The following PLXDC2 variants were observed in gnomAD, a reference collection of about 807,000 sequenced individuals.
PLXDC2 encodes the protein plexin domain-containing protein 2.
PLXDC2 carries 40 observed loss-of-function variants against 68.9 expected under a neutral mutation model. The ratio of observed to expected loss-of-function variants is 0.58; its 90% CI spans 0.45 to 0.76. The LOEUF (loss-of-function observed/expected upper bound fraction) is 0.76. Ranked by LOEUF, PLXDC2 falls within the 30% of genes least tolerant of loss-of-function variation. PLXDC2 has a pLI of 0.00. For synonymous variants in PLXDC2, 243 were observed against 234.2 expected, an observed-to-expected ratio of 1.04 and a Z score of -0.34; for missense variants, 644 against 661.9, an observed-to-expected ratio of 0.97 and a Z score of 0.30.
intron 1 of PLXDC2, among the ~76,000 whole-genome samples, chr10:19,895,098 TA>T (rs1489072705): frequency 6.6e-6 from 1 of 152,174 alleles, no homozygotes; most frequent in African/African-American, 2.4e-5. Flanking sequence ...TATGCAGCCA[TA>T]AAAAAGGATG....
chr10:20,181,084 A>C (rs1219971280), intron 9 of PLXDC2, among the ~76,000 whole-genome samples: 1 of 152,104 alleles, frequency 6.6e-6, no homozygotes, highest in Non-Finnish European at 1.5e-5. Flanking sequence ...CAGAGTTAAT[A>C]GTGATGAGTG....
chr10:20,182,682 T>G (rs954603553), intron 9 of PLXDC2, among the ~76,000 whole-genome samples: 1 of 151,996 alleles, frequency 6.6e-6, no homozygotes, highest in African/African-American at 2.4e-5. Context: ...TACATTTCTT[T>G]TTTTTTTTAA....
chr10:19,854,258 A>G (rs139042324), intron 1 of PLXDC2, among the ~76,000 whole-genome samples: 149 of 152,348 alleles, frequency 9.8e-4, no homozygotes, highest in Middle Eastern at 3.4e-3. Flanking sequence ...CAGTCTCTAC[A>G]TAATTGCCTG....
intron 13 of PLXDC2, among the ~76,000 whole-genome samples, chr10:20,255,202 T>C (rs888402263): frequency 1.3e-5 from 2 of 149,710 alleles, no homozygotes; most frequent in Non-Finnish European, 3.0e-5. Context: ...GATAGATAGA[T>C]AGATAGATAG....
intron 1 of PLXDC2, among the ~76,000 whole-genome samples, chr10:19,829,154 CT>C (rs71388870): frequency 0.031 from 2,928 of 94,174 alleles, 17 homozygotes; most frequent in African/African-American, 0.065. Flanking sequence ...ACGCTTTCCT[CT>C]TTTTTTTTTT....
At chr10:20,262,578 A>G (rs1835822570) in intron 13 of PLXDC2, among the ~76,000 whole-genome samples, 1 of 152,164 alleles carries the variant, frequency 6.6e-6, no homozygotes, top group African/African-American at 2.4e-5. Context: ...GACAGAAGGA[A>G]TACCCCAGCA....
intron 1 of PLXDC2, among the ~76,000 whole-genome samples, chr10:19,917,470 T>G (rs1447586521): frequency 1.3e-5 from 2 of 152,210 alleles, no homozygotes; most frequent in Non-Finnish European, 2.9e-5. Context: ...TCTATGACTT[T>G]CCTTTGAATT....
chr10:20,205,513 T>C (rs1187002213), intron 9 of PLXDC2, among the ~76,000 whole-genome samples: 1 of 152,098 alleles, frequency 6.6e-6, no homozygotes, highest in Non-Finnish European at 1.5e-5. Context: ...TAATATTCTA[T>C]GATATTAGTT....
chr10:20,121,375 AGTT>A (rs1257786040), intron 4 of PLXDC2, among the ~76,000 whole-genome samples: 1 of 152,124 alleles, frequency 6.6e-6, no homozygotes, highest in Non-Finnish European at 1.5e-5. Context: ...GAAGGAAAGG[AGTT>A]GTTGTTTTGT....
At chr10:19,851,102 A>G (rs1188168936) in intron 1 of PLXDC2, among the ~76,000 whole-genome samples, 1 of 152,204 alleles carries the variant, frequency 6.6e-6, no homozygotes, top group Non-Finnish European at 1.5e-5. Context: ...GATAAGGGTA[A>G]TAAATAGTGA....
Position 19,867,038 on chromosome 10 carries a change from A to G in PLXDC2, c.112+49847A>G, listed in dbSNP as rs117108386. ...GAAATTTAGAACAAAGAAGAATGACAATTGGAATTCGGTCCTCCTTTCCCT... is the reference window on the plus strand; with the variant it reads ...GAAATTTAGAACAAAGAAGAATGACGATTGGAATTCGGTCCTCCTTTCCCT... On this transcript the variant is annotated intron_variant, in intron 1 of 13. Coordinates refer to ENST00000377252, the MANE Select transcript of PLXDC2 (RefSeq NM_032812.9). Among the ~76,000 whole-genome samples the G allele has an allele frequency of 3.3e-3, 500 of 150,848 alleles. 1 individual carries two copies. The highest frequency in any genetic ancestry group is 6.9e-3 in the Middle Eastern group (2 of 288).
chr10:20,085,035 C>T (rs1833171912), intron 4 of PLXDC2, among the ~76,000 whole-genome samples: 1 of 151,838 alleles, frequency 6.6e-6, no homozygotes, highest in Non-Finnish European at 1.5e-5. Context: ...TGGCACAACC[C>T]TCGGGTCAAG....
chr10:20,267,973 C>G lies in PLXDC2; in HGVS notation c.1474-11730C>G, dbSNP rs16920197. On this transcript the variant is annotated intron_variant, in intron 13 of 13. Transcript: ENST00000377252. ...TGAATGCAGTCCACTCTCAGGAAAG[C>G]TTCTGTGGAGGTTACATGAATCTGT... Among the ~76,000 whole-genome samples, 368 of 152,102 alleles carry G rather than the reference C, an allele frequency of 2.4e-3. 2 individuals are homozygous for G. The highest frequency in any genetic ancestry group is 8.3e-3 in the African/African-American group (343 of 41,508).
chr10:20,026,236 T>A (rs1049287528), intron 2 of PLXDC2, among the ~76,000 whole-genome samples: 3 of 152,108 alleles, frequency 2.0e-5, no homozygotes, highest in African/African-American at 4.8e-5. Context: ...GGTTTTTTTT[T>A]TATATTGCTG....
chr10:19,937,569 TATATATATATATA>T (rs1833746866), intron 1 of PLXDC2, among the ~76,000 whole-genome samples: 2 of 143,396 alleles, frequency 1.4e-5, no homozygotes, highest in South Asian at 2.2e-4. Flanking sequence ...TATATATATA[TATATATATATATA>T]TTTGCAACTT....
intron 12 of PLXDC2, among the ~76,000 whole-genome samples, chr10:20,243,093 G>C (rs914347240): frequency 3.3e-5 from 5 of 152,094 alleles, no homozygotes; most frequent in African/African-American, 1.2e-4. Context: ...TTATTTCCTA[G>C]AAGAACTCAC....
rs559141409 is a variant in PLXDC2 at position 20,246,442 on chromosome 10, C to T, written c.1473+937C>T. 5.3e-5 allele frequency among the ~76,000 whole-genome samples: 8 copies of T among 152,296 alleles called. 1 individual carries two copies. Among genetic ancestry groups the T allele is most frequent in the Admixed American group, 2.0e-4 (3 of 15,304 alleles). On this transcript the variant is annotated intron_variant, in intron 13 of 13. Transcript: ENST00000377252. Reference sequence around the variant, plus strand: ...TCGGCTCACTGCAACCTCTGCCTTCCGGGTTCAAGCAATTTTTGTGCATCA... The same window carrying T: ...TCGGCTCACTGCAACCTCTGCCTTCTGGGTTCAAGCAATTTTTGTGCATCA...
intron 4 of PLXDC2, among the ~76,000 whole-genome samples, chr10:20,102,532 G>A (rs1833436977): frequency 6.6e-6 from 1 of 152,156 alleles, no homozygotes; most frequent in Non-Finnish European, 1.5e-5. Context: ...GAAGGATTCT[G>A]GATATGTTTT....
chr10:19,997,735 A>G (rs958447547), intron 1 of PLXDC2, among the ~76,000 whole-genome samples: 2 of 152,226 alleles, frequency 1.3e-5, no homozygotes, highest in Non-Finnish European at 2.9e-5. Flanking sequence ...GCAAAGAATA[A>G]TATGAGAATA....
Sources: gnomAD v4.1 joint callset for allele counts (sites outside exome capture counted in the v4.1 genomes callset) on GRCh38, gnomAD v4.1.1 for gene constraint, MANE v1.5 for transcripts, NCBI Gene and HGNC (gene_info 2026-07-23, HGNC 2026-07-21) for gene names.